The following SYNPO2 variants were observed in gnomAD, a reference collection of about 807,000 sequenced individuals.
The protein encoded by SYNPO2 is synaptopodin-2.
Under a neutral mutation model 85.0 loss-of-function variants are expected in SYNPO2, and 56 were observed. That is an observed-to-expected ratio of 0.66 (90% confidence interval 0.53 to 0.82). SYNPO2 has a LOEUF of 0.82. Among genes scored for constraint, SYNPO2 ranks in the 40% least tolerant of loss-of-function variants. The pLI, the probability that SYNPO2 is intolerant of heterozygous loss-of-function variation, is 0.00. For synonymous variants in SYNPO2, 602 were observed against 591.1 expected, an observed-to-expected ratio of 1.02 and a Z score of -0.27; for missense variants, 1,575 against 1,534.2, an observed-to-expected ratio of 1.03 and a Z score of -0.44.
chr4:118,879,214 G>C (rs1560816064), intron 1 of SYNPO2, among the ~76,000 whole-genome samples: 2 of 152,306 alleles, frequency 1.3e-5, no homozygotes, highest in Middle Eastern at 6.8e-3. Context: ...TCACCGATAA[G>C]GGTCCGTGGC....
At chr4:118,967,853 T>G (rs1735374278) in intron 1 of SYNPO2, among the ~76,000 whole-genome samples, 1 of 92,596 alleles carries the variant, frequency 1.1e-5, no homozygotes. Context: ...TTGAAAAATC[T>G]TTATACCAAA....
intron 4 of SYNPO2, among the ~76,000 whole-genome samples, chr4:119,039,941 C>T (rs1034083515): frequency 6.6e-6 from 1 of 152,164 alleles, no homozygotes; most frequent in Admixed American, 6.5e-5. Context: ...AGTGTGGGCT[C>T]TAGGGCCGCG....
intron 1 of SYNPO2, among the ~76,000 whole-genome samples, chr4:118,976,346 G>A (rs1246771975): frequency 2.0e-5 from 3 of 152,190 alleles, no homozygotes; most frequent in African/African-American, 7.2e-5. Context: ...CAAGAGTGAA[G>A]CTGCAGATCT....
Position 118,893,689 on chromosome 4 carries a change from T to G in SYNPO2, c.105+4548T>G, listed in dbSNP as rs183095907. ...ATTGGTCTGGGGTTCACCCTGGACA[T>G]CAGGATTTATAAACATTCCAAAGGG... On this transcript the variant is annotated intron_variant, in intron 1 of 4. Transcript: ENST00000307142. 2.5e-3 allele frequency among the ~76,000 whole-genome samples: 387 copies of G among 152,324 alleles called. 2 individuals carry two copies. Among genetic ancestry groups the G allele is most frequent in the Middle Eastern group, 0.017 (5 of 294 alleles).
chr4:118,879,742 T>C (rs1320322466), intron 1 of SYNPO2, among the ~76,000 whole-genome samples: 1 of 152,212 alleles, frequency 6.6e-6, no homozygotes, highest in Non-Finnish European at 1.5e-5. Context: ...ATCATTTGCC[T>C]TCACTGGTCA....
intron 4 of SYNPO2, chr4:119,035,257 T>C: frequency 1.0e-6 from 1 of 985,442 alleles, no homozygotes; most frequent in Non-Finnish European, 1.2e-6. Context: ...AATGTTGTGC[T>C]ATAATGAATC....
chr4:118,891,306 T>C (rs1005360370), intron 1 of SYNPO2, among the ~76,000 whole-genome samples: 12 of 152,338 alleles, frequency 7.9e-5, no homozygotes, highest in African/African-American at 2.2e-4. Context: ...TATAAAAGTA[T>C]CTGGAAGTTT....
At chr4:118,982,266 G>A (rs1025962660) in intron 1 of SYNPO2, among the ~76,000 whole-genome samples, 2 of 152,128 alleles carry the variant, frequency 1.3e-5, no homozygotes, top group Admixed American at 1.3e-4. Flanking sequence ...TGAAAAAAAA[G>A]ATAATGTCCA....
chr4:118,969,911 T>C (rs1735472618), intron 1 of SYNPO2, among the ~76,000 whole-genome samples: 1 of 152,164 alleles, frequency 6.6e-6, no homozygotes, highest in Non-Finnish European at 1.5e-5. Context: ...ATTATGGGAA[T>C]GTTCTATTGT....
chr4:118,889,736 A>G (rs370773587), intron 1 of SYNPO2, among the ~76,000 whole-genome samples: 47 of 152,286 alleles, frequency 3.1e-4, no homozygotes, highest in African/African-American at 1.1e-3. Flanking sequence ...CTTCTTATGT[A>G]CTCTTTTGGT....
At chr4:118,917,649 C>A (rs568510107) in intron 1 of SYNPO2, among the ~76,000 whole-genome samples, 2 of 64,174 alleles carry the variant, frequency 3.1e-5, no homozygotes, top group East Asian at 1.1e-3. Flanking sequence ...TATGTAAATA[C>A]ATGTGCATAT....
chr4:118,888,230 A>ATG (rs1372764834), upstream of SYNPO2, among the ~76,000 whole-genome samples: 1 of 152,214 alleles, frequency 6.6e-6, no homozygotes, highest in Non-Finnish European at 1.5e-5. Context: ...AATTATAAGA[A>ATG]TGTAGTTTCC....
At chr4:118,962,074 C>T (rs1269802184) in intron 1 of SYNPO2, among the ~76,000 whole-genome samples, 1 of 152,174 alleles carries the variant, frequency 6.6e-6, no homozygotes, top group African/African-American at 2.4e-5. Flanking sequence ...TCCCTTTCAT[C>T]AGGTAGTAGA....
chr4:118,923,972 TTAA>T (rs1420309309), intron 1 of SYNPO2, among the ~76,000 whole-genome samples: 2 of 152,154 alleles, frequency 1.3e-5, no homozygotes, highest in African/African-American at 4.8e-5. Flanking sequence ...TAAGTTTCAA[TTAA>T]TGATGATCTC....
chr4:119,014,133 G>A (rs1332547333), intron 1 of SYNPO2, among the ~76,000 whole-genome samples: 1 of 152,198 alleles, frequency 6.6e-6, no homozygotes, highest in Non-Finnish European at 1.5e-5. Context: ...ACATTAAAGA[G>A]ATTTACAGAC....
At chr4:118,965,798 G>T (rs1281628835) in intron 1 of SYNPO2, among the ~76,000 whole-genome samples, 1 of 152,082 alleles carries the variant, frequency 6.6e-6, no homozygotes, top group Non-Finnish European at 1.5e-5. Flanking sequence ...AAAAAGTAGA[G>T]GGGGCTGGGT....
At chr4:119,042,075 T>G (rs1481988992) in intron 4 of SYNPO2, 1 of 116,752 alleles carries the variant, frequency 8.6e-6, no homozygotes, top group Non-Finnish European at 1.8e-5. Context: ...ACAGTCTTAG[T>G]GCCCCGTCTA....
intron 1 of SYNPO2, among the ~76,000 whole-genome samples, chr4:118,851,538 T>G (rs936790345): frequency 2.6e-5 from 4 of 152,222 alleles, no homozygotes; most frequent in Non-Finnish European, 4.4e-5. Context: ...AAGAGTTTTG[T>G]GCTTTTGCTT....
At chr4:118,901,889 C>T (rs1444687238) in intron 1 of SYNPO2, among the ~76,000 whole-genome samples, 2 of 152,164 alleles carry the variant, frequency 1.3e-5, no homozygotes, top group African/African-American at 4.8e-5. Flanking sequence ...TTAGTTAGTG[C>T]TCATTTCCTT....
Sources: allele counts gnomAD v4.1 joint callset (sites outside exome capture counted in the v4.1 genomes callset), GRCh38; gene constraint gnomAD v4.1.1; transcripts MANE v1.5; gene names NCBI Gene and HGNC (gene_info 2026-07-23, HGNC 2026-07-21).